The following CNBD1 variants were observed in gnomAD, a reference collection of about 807,000 sequenced individuals.
CNBD1 encodes cyclic nucleotide binding domain containing 1, also known as cyclic nucleotide-binding domain-containing protein 1.
In CNBD1, 71 loss-of-function variants were observed where a neutral mutation model predicts 54.4. The observed-to-expected ratio is 1.30, with a 90% CI of 1.08 to 1.59. The LOEUF (loss-of-function observed/expected upper bound fraction) is 1.59, where lower values mean the gene tolerates loss of function less well. Among genes scored for constraint, CNBD1 ranks in the 40% most tolerant of loss-of-function variants. The pLI, the probability that CNBD1 is intolerant of heterozygous loss-of-function variation, is 0.00. For missense variants in CNBD1, 659 were observed against 518.0 expected (o/e 1.27, Z -2.64); for synonymous variants, 182 against 170.7 (o/e 1.07, Z -0.51).
chr8:87,031,540 T>C (rs1196192671), intron 4 of CNBD1, among the ~76,000 whole-genome samples: 3 of 152,208 alleles, frequency 2.0e-5, no homozygotes, highest in Non-Finnish European at 4.4e-5. Flanking sequence ...TACTCCAGGA[T>C]GATCTCATCC....
Position 87,228,850 on chromosome 8 carries a change from C to T in CNBD1, c.578-8069C>T, listed in dbSNP as rs541088158. Among the ~76,000 whole-genome samples the T allele has an allele frequency of 1.6e-3, 239 of 152,314 alleles. 2 individuals carry two copies. Among genetic ancestry groups the T allele is most frequent in the African/African-American group, 5.4e-3 (225 of 41,556 alleles). ...CGCCCCTCCTCCAGCCTCGCTGCTG[C>T]CTTGCAGTTTGATCTCAGACTGCTA... is the stretch of plus-strand genomic sequence containing the variant. On this transcript the variant is annotated intron_variant, in intron 5 of 10. Coordinates refer to ENST00000518476, the MANE Select transcript of CNBD1 (RefSeq NM_173538.3).
chr8:87,282,472 C>A (rs1236408696), intron 6 of CNBD1, among the ~76,000 whole-genome samples: 1 of 151,518 alleles, frequency 6.6e-6, no homozygotes, highest in Non-Finnish European at 1.5e-5. Context: ...TACTCTTACT[C>A]TAAATTGCTA....
chr8:87,247,462 G>C (rs888525253), intron 6 of CNBD1, among the ~76,000 whole-genome samples: 3 of 152,140 alleles, frequency 2.0e-5, no homozygotes, highest in Non-Finnish European at 2.9e-5. Flanking sequence ...CATAATTCCA[G>C]TTTGGCTTTG....
At chr8:86,880,118 T>G (rs917328007) in intron 1 of CNBD1, among the ~76,000 whole-genome samples, 2 of 152,114 alleles carry the variant, frequency 1.3e-5, no homozygotes, top group Admixed American at 1.3e-4. Flanking sequence ...ATTGTAGTAT[T>G]ACAGATGAGA....
intron 5 of CNBD1, among the ~76,000 whole-genome samples, chr8:87,234,425 G>T: frequency 6.6e-6 from 1 of 152,130 alleles, no homozygotes; most frequent in East Asian, 1.9e-4. Context: ...ATTACCTCTT[G>T]ATTGATAGGT....
chr8:87,125,982 A>C (rs1369626105), intron 4 of CNBD1, among the ~76,000 whole-genome samples: 1 of 151,812 alleles, frequency 6.6e-6, no homozygotes, highest in South Asian at 2.1e-4. Flanking sequence ...TGAGATTTAT[A>C]TATGTTGCTG....
chr8:86,926,637 C>T (rs992740253), intron 3 of CNBD1, among the ~76,000 whole-genome samples: 1 of 151,730 alleles, frequency 6.6e-6, no homozygotes. Context: ...CTATCCCTGA[C>T]TGGTTGGTGT....
At chr8:87,037,138 T>C (rs1809966547) in intron 4 of CNBD1, among the ~76,000 whole-genome samples, 1 of 152,214 alleles carries the variant, frequency 6.6e-6, no homozygotes. Flanking sequence ...TTCAAAATAA[T>C]TTTATCTTGG....
intron 4 of CNBD1, among the ~76,000 whole-genome samples, chr8:87,091,797 A>ATT (rs11451097): frequency 4.1e-4 from 62 of 151,288 alleles, no homozygotes; most frequent in South Asian, 2.1e-4. Flanking sequence ...TTTTACATAA[A>ATT]TTTTTTTTTG....
chr8:87,377,120 T>C (rs1170798888), intron 10 of CNBD1, among the ~76,000 whole-genome samples: 1 of 149,436 alleles, frequency 6.7e-6, no homozygotes, highest in Non-Finnish European at 1.5e-5. Flanking sequence ...ATAATTTTTG[T>C]AATTTTATTT....
intron 4 of CNBD1, among the ~76,000 whole-genome samples, chr8:87,094,444 CTTT>C (rs397892505): frequency 7.2e-6 from 1 of 139,462 alleles, no homozygotes. Flanking sequence ...TTCTTTAATG[CTTT>C]TTTTTTTTTC....
intron 4 of CNBD1, among the ~76,000 whole-genome samples, chr8:87,205,185 T>C (rs1442807373): frequency 6.6e-6 from 1 of 152,142 alleles, no homozygotes; most frequent in East Asian, 1.9e-4. Context: ...AAAAATTTGC[T>C]TGAAAACTGC....
chr8:86,958,074 A>T (rs1204555773), intron 4 of CNBD1, among the ~76,000 whole-genome samples: 1 of 152,152 alleles, frequency 6.6e-6, no homozygotes, highest in Admixed American at 6.5e-5. Context: ...TTCTGCCTTC[A>T]TTTCATTATG....
At chr8:87,005,299 G>A (rs749707844) in intron 4 of CNBD1, among the ~76,000 whole-genome samples, 1 of 151,914 alleles carries the variant, frequency 6.6e-6, no homozygotes, top group Admixed American at 6.6e-5. Context: ...GAACCCAGGA[G>A]GCAGAGCTTG....
At chr8:86,875,240 C>G (rs949165763) in intron 1 of CNBD1, among the ~76,000 whole-genome samples, 3 of 152,006 alleles carry the variant, frequency 2.0e-5, no homozygotes, top group Non-Finnish European at 2.9e-5. Flanking sequence ...CTGGGACACT[C>G]CCTCTGTCTC....
chr8:87,026,416 C>A (rs1169266114), intron 4 of CNBD1, among the ~76,000 whole-genome samples: 1 of 148,234 alleles, frequency 6.7e-6, no homozygotes, highest in Non-Finnish European at 1.5e-5. Flanking sequence ...ATACAAAGAA[C>A]CCCTGCTTAT....
intron 2 of CNBD1, among the ~76,000 whole-genome samples, chr8:87,408,731 C>G (rs943832083): frequency 3.3e-5 from 5 of 152,076 alleles, no homozygotes; most frequent in African/African-American, 1.2e-4. Flanking sequence ...TTTTGTGTCT[C>G]CGTGTCACAT....
intron 4 of CNBD1, among the ~76,000 whole-genome samples, chr8:86,958,442 A>T (rs561944166): frequency 6.6e-6 from 1 of 152,248 alleles, no homozygotes; most frequent in South Asian, 2.1e-4. Context: ...AAAGTCTCCC[A>T]TTATTATTGT....
At chr8:87,087,259 A>ATATATATATGTATATATATATATATATG (rs1554553583) in intron 4 of CNBD1, among the ~76,000 whole-genome samples, 1 of 141,880 alleles carries the variant, frequency 7.0e-6, no homozygotes, top group African/African-American at 2.7e-5. Flanking sequence ...ATATATATAT[A>ATATATATATGTATATATATATATATATG]TACATATATA....
Sources: allele counts gnomAD v4.1 joint callset (sites outside exome capture counted in the v4.1 genomes callset), GRCh38; gene constraint gnomAD v4.1.1; transcripts MANE v1.5; gene names NCBI Gene and HGNC (gene_info 2026-07-23, HGNC 2026-07-21).